The following MYCBP2 variants were observed in gnomAD, a reference collection of about 807,000 sequenced individuals.
The protein encoded by MYCBP2 is MYC binding protein 2.
A neutral mutation model predicts 525.3 loss-of-function variants in MYCBP2; 120 were observed. The ratio of observed to expected loss-of-function variants is 0.23; its 90% confidence interval spans 0.20 to 0.27. The LOEUF (loss-of-function observed/expected upper bound fraction) is 0.27. MYCBP2 is among the 10% of genes least tolerant of loss of function. The pLI, the probability that MYCBP2 is intolerant of heterozygous loss-of-function variation, is 1.00. For synonymous variants in MYCBP2, 1,894 were observed against 1,955.8 expected (o/e 0.97, Z 0.83); for missense variants, 4,149 against 5,657.1 (o/e 0.73, Z 8.55).
intron 38 of MYCBP2, 39 bp from the exon 39 acceptor site, chr13:77,169,753 A>T (rs764610046): frequency 6.6e-7 from 1 of 1,522,190 alleles, no homozygotes; most frequent in Admixed American, 1.7e-5. Flanking sequence ...CTATAGTCAG[A>T]AGGTAATTTC....
At chr13:77,287,372 A>AG (rs1762958526) in intron 3 of MYCBP2, among the ~76,000 whole-genome samples, 2 of 151,232 alleles carry the variant, frequency 1.3e-5, no homozygotes, top group Non-Finnish European at 2.9e-5. Flanking sequence ...TTTAGTAGAG[A>AG]CAGGGTTTCA....
intron 2 of MYCBP2, among the ~76,000 whole-genome samples, chr13:77,289,184 T>C (rs1487305094): frequency 6.6e-6 from 1 of 152,050 alleles, no homozygotes; most frequent in Non-Finnish European, 1.5e-5. Context: ...TCGACTCTTC[T>C]TCCATAAAGA....
At chr13:77,158,826 G>C (rs2057529760) in intron 44 of MYCBP2, among the ~76,000 whole-genome samples, 1 of 152,146 alleles carries the variant, frequency 6.6e-6, no homozygotes, top group Non-Finnish European at 1.5e-5. Flanking sequence ...GGGCACCAAG[G>C]TCTTGACTTG....
intron 4 of MYCBP2, among the ~76,000 whole-genome samples, chr13:77,277,351 C>T (rs888260612): frequency 6.6e-6 from 1 of 152,138 alleles, no homozygotes; most frequent in Non-Finnish European, 1.5e-5. Context: ...ATAACCAACA[C>T]GGTGCTTGCC....
intron 2 of MYCBP2, among the ~76,000 whole-genome samples, chr13:77,289,035 CA>C (rs1174013113): frequency 8.6e-5 from 13 of 152,000 alleles, no homozygotes; most frequent in African/African-American, 2.9e-4. Flanking sequence ...ATTTCAAGAT[CA>C]ACATTTATAT....
At chr13:77,249,558 A>T (rs923335742) in intron 15 of MYCBP2, among the ~76,000 whole-genome samples, 2 of 152,050 alleles carry the variant, frequency 1.3e-5, no homozygotes, top group Admixed American at 1.3e-4. Flanking sequence ...ATTAAATTTT[A>T]TTTTTATTAT....
At chr13:77,269,851 A>G in intron 7 of MYCBP2, 141 bp downstream of exon 7, 1 of 693,038 alleles carries the variant, frequency 1.4e-6, no homozygotes, top group South Asian at 2.0e-5. Context: ...TTTACGCTAC[A>G]CTATTCAGTT....
intron 59 of MYCBP2, among the ~76,000 whole-genome samples, chr13:77,091,726 T>C (rs1424535102): frequency 6.8e-6 from 1 of 147,056 alleles, no homozygotes; most frequent in Non-Finnish European, 1.5e-5. Flanking sequence ...ATTCATCAAC[T>C]TTTTTTTTTT....
At chr13:77,159,575 G>C (rs1180128940) in intron 44 of MYCBP2, among the ~76,000 whole-genome samples, 1 of 152,164 alleles carries the variant, frequency 6.6e-6, no homozygotes, top group Non-Finnish European at 1.5e-5. Flanking sequence ...CTGGCGGGAG[G>C]TGACTGAATC....
chr13:77,188,378 G>T (rs2060951994), intron 30 of MYCBP2, among the ~76,000 whole-genome samples: 1 of 152,118 alleles, frequency 6.6e-6, no homozygotes, highest in Non-Finnish European at 1.5e-5. Flanking sequence ...AATTCAAAAT[G>T]CTATGATGTA....
chr13:77,157,319 G>A (rs2057331551), intron 45 of MYCBP2, among the ~76,000 whole-genome samples: 1 of 152,062 alleles, frequency 6.6e-6, no homozygotes, highest in African/African-American at 2.4e-5. Context: ...CTGCCTCCAG[G>A]GTTTGAGCAA....
Position 77,326,872 on chromosome 13 carries a change from C to G in MYCBP2, c.-97G>C, listed in dbSNP as rs1472018467. ...AGCCCTTTTCCAACGACGACGGCTC[C>G]GGCGGCGGCCTCTGGCTCCCGCAGC... On this transcript the variant is annotated 5_prime_UTR_variant, in exon 1 of 83. Transcript: ENST00000544440. This position sits in a 1 kb window ranked among gnomAD's most constrained non-coding sequence, Gnocchi z 4.2. 1 of 1,202,952 alleles carries G rather than the reference C, an allele frequency of 8.3e-7. No individual in the cohort carries two copies. The highest frequency in any genetic ancestry group is 4.2e-5 in the Admixed American group (1 of 23,948). The allele number at this position is 1,202,952 out of a possible 1,614,324, so 74.5% of individuals were successfully genotyped here. A position where few individuals can be genotyped will look rare whatever the true frequency, so the allele number is the denominator to read the frequency against.
At chr13:77,119,540 T>A (rs1478432337) in intron 55 of MYCBP2, among the ~76,000 whole-genome samples, 2 of 151,952 alleles carry the variant, frequency 1.3e-5, no homozygotes. Flanking sequence ...AATACTGTTT[T>A]AAGAAAAAAA....
intron 18 of MYCBP2, among the ~76,000 whole-genome samples, chr13:77,228,692 TGTGTG>T (rs2066689521): frequency 2.2e-4 from 1 of 4,540 alleles, no homozygotes; most frequent in African/African-American, 7.5e-4. Context: ...ATGAATATGT[TGTGTG>T]TGTGTGTGTG....
intron 39 of MYCBP2, among the ~76,000 whole-genome samples, chr13:77,169,171 G>A (rs889237652): frequency 2.0e-5 from 3 of 152,182 alleles, no homozygotes; most frequent in African/African-American, 7.2e-5. Flanking sequence ...CACTTTGGGA[G>A]GGCGAGGCGG....
chr13:77,287,429 C>T (rs973452381), intron 3 of MYCBP2, among the ~76,000 whole-genome samples: 2 of 152,144 alleles, frequency 1.3e-5, no homozygotes, highest in Non-Finnish European at 2.9e-5. Context: ...AGGTGATCCA[C>T]CCGCCTTGGC....
rs2038617060 is a variant in MYCBP2, at chr13:77,058,503, A to C, written c.13141-97T>G. 1.5e-5 allele frequency: 16 copies of C among 1,083,016 alleles called. No individual in the cohort carries two copies. Among genetic ancestry groups the C allele is most frequent in the Non-Finnish European group, 1.9e-5 (15 of 783,058 alleles). 67.1% of individuals were successfully genotyped at this position (1,083,016 alleles called of 1,614,324 possible). ...ATAAATTTCCAAAGATTACTTTCCC[A>C]CAGGAAGTATCTATGCAGGCCAAGT... On this transcript the variant is annotated intron_variant, in intron 77 of 82. Transcript: ENST00000544440. The surrounding 1 kb of genome is among the most constrained non-coding windows in gnomAD (Gnocchi z 4.1).
Position 77,099,008 on chromosome 13 carries a change from G to C in MYCBP2, c.8146C>G (p.Arg2716Gly), listed in dbSNP as rs1177417495. 2 of 1,604,518 alleles carry C rather than the reference G, an allele frequency of 1.2e-6. No individual in the cohort carries two copies. The highest frequency in any genetic ancestry group is 2.7e-5 in the African/African-American group (2 of 74,728). Residue 2716 changes from arginine to glycine, a missense_variant, in exon 56 of 83, where the codon CGA becomes GGA. Physicochemically the swap from Arg to Gly is moderately radical, Grantham distance 125. Coordinates refer to ENST00000544440, the MANE Select transcript of MYCBP2 (RefSeq NM_015057.5). ...TTAGAAGATGTTGAGATGTTTCCTC[G>C]ATCACCTGTATGGTCCATTTTACAG... ...DYGLGNSKGD[R>G]GNISTSSKPA...
At chr13:77,272,171 T>G (rs1403541647) in intron 5 of MYCBP2, among the ~76,000 whole-genome samples, 1 of 152,362 alleles carries the variant, frequency 6.6e-6, no homozygotes, top group Admixed American at 6.5e-5. Flanking sequence ...CTCTATGCTA[T>G]AGCTATACTA....
Sources: gnomAD v4.1 joint callset for allele counts (sites outside exome capture counted in the v4.1 genomes callset) on GRCh38, gnomAD v4.1.1 for gene constraint, Gnocchi (gnomAD v3.1) non-coding constraint, MANE v1.5 for transcripts, NCBI Gene and HGNC (gene_info 2026-07-23, HGNC 2026-07-21) for gene names.